SEMA3A: variants seen among roughly 807,000 people sequenced by gnomAD.
The protein encoded by SEMA3A is semaphorin-3A.
Under a neutral mutation model 97.9 loss-of-function variants are expected in SEMA3A, and 29 were observed. That is an observed-to-expected ratio of 0.30 (90% confidence interval 0.22 to 0.40). SEMA3A has a LOEUF of 0.40. Among genes scored for constraint, SEMA3A ranks in the 10% least tolerant of loss-of-function variants. The pLI, the probability that SEMA3A is intolerant of heterozygous loss-of-function variation, is 1.00. For synonymous variants in SEMA3A, 321 were observed against 323.7 expected, an observed-to-expected ratio of 0.99 and a Z score of 0.09; for missense variants, 763 against 951.3, an observed-to-expected ratio of 0.80 and a Z score of 2.60.
intron 3 of SEMA3A, among the ~76,000 whole-genome samples, chr7:84,285,806 G>A (rs1800569847): frequency 6.6e-6 from 1 of 151,860 alleles, no homozygotes; most frequent in Admixed American, 6.6e-5. Flanking sequence ...TGGACATGGT[G>A]GTGTGGACCT....
chr7:84,100,872 A>G (rs986516242), intron 4 of SEMA3A, among the ~76,000 whole-genome samples: 3 of 152,188 alleles, frequency 2.0e-5, no homozygotes, highest in Admixed American at 2.0e-4. Flanking sequence ...ACTCTCTCAG[A>G]TATATCTAAT....
chr7:84,247,793 A>T (rs562565586), intron 3 of SEMA3A, among the ~76,000 whole-genome samples: 2 of 152,312 alleles, frequency 1.3e-5, no homozygotes, highest in South Asian at 4.1e-4. Context: ...GGTGTGTGAG[A>T]GTACTACTGC....
intron 15 of SEMA3A, among the ~76,000 whole-genome samples, chr7:83,968,838 T>G (rs1335929881): frequency 2.2e-5 from 3 of 134,762 alleles, no homozygotes; most frequent in African/African-American, 8.6e-5. Context: ...GGAGAAAGAG[T>G]CTCACTCTCT....
At chr7:84,395,592 T>A (rs925273037) in intron 1 of SEMA3A, among the ~76,000 whole-genome samples, 2 of 133,158 alleles carry the variant, frequency 1.5e-5, no homozygotes, top group Non-Finnish European at 3.1e-5. Flanking sequence ...AATTGAATCA[T>A]GGGGGGAGAT....
chr7:84,072,875 A>T (rs899154257), intron 4 of SEMA3A, among the ~76,000 whole-genome samples: 2 of 152,194 alleles, frequency 1.3e-5, no homozygotes, highest in Non-Finnish European at 2.9e-5. Flanking sequence ...CAACCCTACT[A>T]TTATTATAAT....
chr7:84,124,143 C>A (rs1562796953), intron 3 of SEMA3A, among the ~76,000 whole-genome samples: 1 of 152,104 alleles, frequency 6.6e-6, no homozygotes, highest in Non-Finnish European at 1.5e-5. Flanking sequence ...TTTTCCTTAA[C>A]TAGGCATAAG....
intron 1 of SEMA3A, among the ~76,000 whole-genome samples, chr7:84,427,188 C>T (rs1804850221): frequency 6.6e-6 from 1 of 152,052 alleles, no homozygotes. Flanking sequence ...CTGAGATTAA[C>T]TATGCTCACC....
intron 1 of SEMA3A, among the ~76,000 whole-genome samples, chr7:84,377,535 TG>T (rs1364068348): frequency 2.0e-5 from 3 of 152,114 alleles, no homozygotes; most frequent in African/African-American, 7.2e-5. Context: ...TCAGGTAGTG[TG>T]GTGCCTCCAG....
At chr7:84,008,307 C>T (rs535009522) in intron 9 of SEMA3A, among the ~76,000 whole-genome samples, 43 of 151,900 alleles carry the variant, frequency 2.8e-4, no homozygotes, top group Non-Finnish European at 4.6e-4. Context: ...CTGGCTAACA[C>T]GGTGAAACCC....
At chr7:84,136,793 C>T (rs1796136878) in intron 1 of SEMA3A, among the ~76,000 whole-genome samples, 1 of 152,026 alleles carries the variant, frequency 6.6e-6, no homozygotes, top group Non-Finnish European at 1.5e-5. Flanking sequence ...TTTACCTATC[C>T]TATAGACAAA....
At chr7:84,145,062 T>C (rs1796423116) in intron 1 of SEMA3A, among the ~76,000 whole-genome samples, 2 of 152,188 alleles carry the variant, frequency 1.3e-5, no homozygotes, top group African/African-American at 4.8e-5. Context: ...ATTAGCTCGA[T>C]GACATGCCAT....
chr7:84,217,673 G>T, intron 3 of SEMA3A, among the ~76,000 whole-genome samples: 1 of 151,986 alleles, frequency 6.6e-6, no homozygotes, highest in Non-Finnish European at 1.5e-5. Context: ...CAGATCTCTT[G>T]AGGCAAGAGT....
chr7:84,233,347 C>A (rs1799160157), intron 3 of SEMA3A, among the ~76,000 whole-genome samples: 2 of 151,890 alleles, frequency 1.3e-5, no homozygotes, highest in Admixed American at 1.3e-4. Flanking sequence ...ACTTATATAA[C>A]CTCACTGTTC....
chr7:84,075,177 T>A (rs1273951478), intron 4 of SEMA3A, among the ~76,000 whole-genome samples: 1 of 116,994 alleles, frequency 8.5e-6, no homozygotes, highest in African/African-American at 3.6e-5. Flanking sequence ...TGACTTCAAC[T>A]TTTTTTTTTT....
intron 3 of SEMA3A, among the ~76,000 whole-genome samples, chr7:84,255,087 G>C (rs1259659064): frequency 6.6e-6 from 1 of 152,078 alleles, no homozygotes; most frequent in African/African-American, 2.4e-5. Context: ...TGTCATCATG[G>C]AGTGAAGCAC....
intron 2 of SEMA3A, among the ~76,000 whole-genome samples, chr7:84,307,811 A>G (rs951385435): frequency 1.3e-5 from 2 of 152,192 alleles, no homozygotes; most frequent in Non-Finnish European, 2.9e-5. Context: ...TAAAGTAAAT[A>G]GAAATTTTAA....
At chr7:84,126,579 T>A (rs1795803966) in intron 3 of SEMA3A, among the ~76,000 whole-genome samples, 1 of 152,222 alleles carries the variant, frequency 6.6e-6, no homozygotes, top group African/African-American at 2.4e-5. Context: ...CTATTACTTA[T>A]CATCTGTGTG....
intron 5 of SEMA3A, among the ~76,000 whole-genome samples, chr7:84,058,450 C>G (rs1793083509): frequency 6.6e-6 from 1 of 152,198 alleles, no homozygotes. Context: ...GAAAACCCAA[C>G]AAGGGGAACT....
At chr7:84,214,129 T>A (rs944034710) in intron 3 of SEMA3A, among the ~76,000 whole-genome samples, 2 of 152,230 alleles carry the variant, frequency 1.3e-5, no homozygotes, top group Non-Finnish European at 2.9e-5. Flanking sequence ...CATTGGACTA[T>A]GAATAGATAC....
Sources: allele counts gnomAD v4.1 joint callset (sites outside exome capture counted in the v4.1 genomes callset), GRCh38; gene constraint gnomAD v4.1.1; transcripts MANE v1.5; gene names NCBI Gene and HGNC (gene_info 2026-07-23, HGNC 2026-07-21).